The following CLEC12A variants were observed in gnomAD, a reference collection of about 807,000 sequenced individuals.
CLEC12A encodes the protein C-type lectin domain family 12 member A, also known as C-type lectin protein CLL-1.
Under a neutral mutation model 26.5 loss-of-function variants are expected in CLEC12A, and 22 were observed. The ratio of observed to expected loss-of-function variants is 0.83; its 90% CI spans 0.59 to 1.19. The LOEUF (loss-of-function observed/expected upper bound fraction) is 1.19, where lower values mean the gene tolerates loss of function less well. Ranked by LOEUF, CLEC12A falls within the 50% of genes most tolerant of loss-of-function variation. The pLI is 0.00. For synonymous variants in CLEC12A, 119 were observed against 101.9 expected (o/e 1.17, Z -1.01); for missense variants, 353 against 315.6 (o/e 1.12, Z -0.90).
chr12:9,968,166 G>A (rs1003528137), upstream of CLEC12A, among the ~76,000 whole-genome samples: 9 of 152,202 alleles, frequency 5.9e-5, no homozygotes, highest in Non-Finnish European at 1.2e-4. Context: ...GTTGGTCTGA[G>A]GACCAGAGGT....
downstream of CLEC12A, among the ~76,000 whole-genome samples, chr12:9,999,474 C>T (rs4764179): frequency 0.44 from 66,365 of 152,000 alleles, 14,782 homozygotes; most frequent in Non-Finnish European, 0.45. Context: ...GTCTAAATTA[C>T]ATTGCTCAAA....
At chr12:9,961,876 G>T (rs1535651) in intron 1 of CLEC12A, among the ~76,000 whole-genome samples, 42,594 of 151,874 alleles carry the variant, frequency 0.28, 6,145 homozygotes, top group East Asian at 0.45. Context: ...CCCTAGGATG[G>T]TGACTGACTC....
intron 1 of CLEC12A, among the ~76,000 whole-genome samples, chr12:9,959,395 T>G (rs932900405): frequency 6.7e-6 from 1 of 149,144 alleles, no homozygotes; most frequent in Non-Finnish European, 1.5e-5. Context: ...GAGGTTGCAG[T>G]GAGTAGAGAT....
chr12:9,983,058 A>G (rs1864625691), intron 5 of CLEC12A, among the ~76,000 whole-genome samples: 1 of 152,158 alleles, frequency 6.6e-6, no homozygotes, highest in Non-Finnish European at 1.5e-5. Context: ...TAATCCGTTG[A>G]TGGACACTTA....
chr12:9,979,563 A>AAAT, intron 3 of CLEC12A, 39 bp downstream of exon 3: 1 of 1,454,512 alleles, frequency 6.9e-7, no homozygotes, highest in South Asian at 1.2e-5. Context: ...ATTGGACAAT[A>AAAT]AACTAAACCA....
chr12:9,978,040 T>G (rs592679), intron 1 of CLEC12A, among the ~76,000 whole-genome samples: 150,228 of 152,228 alleles, frequency 0.99, 74,154 homozygotes, highest in Middle Eastern at 1. Flanking sequence ...AAAGTCTATA[T>G]AAGTTAAGTT....
At chr12:9,988,755 C>A (rs1409959633), downstream of CLEC12A, among the ~76,000 whole-genome samples, 38 of 152,146 alleles carry the variant, frequency 2.5e-4, no homozygotes, top group Admixed American at 2.5e-3. Context: ...AACACTTTTA[C>A]ACTGTTGGTG....
At chr12:10,004,621 G>T in the CLEC12A span, among the ~76,000 whole-genome samples, 3 of 151,860 alleles carry the variant, frequency 2.0e-5, no homozygotes, top group African/African-American at 7.3e-5. Context: ...GGAGTTCAGG[G>T]TTTATATGGG....
chr12:9,961,736 A>T (rs1056137116), intron 1 of CLEC12A, among the ~76,000 whole-genome samples: 2 of 152,148 alleles, frequency 1.3e-5, no homozygotes, highest in African/African-American at 2.4e-5. Flanking sequence ...AAATTATGAG[A>T]CAACCTAAAA....
At chr12:9,959,383 C>T (rs745488007) in intron 1 of CLEC12A, among the ~76,000 whole-genome samples, 41 of 149,668 alleles carry the variant, frequency 2.7e-4, no homozygotes, top group Non-Finnish European at 5.5e-4. Flanking sequence ...ACCAGTGAGG[C>T]GGAGGTTGCA....
At chr12:9,955,604 G>A (rs1022016429) in intron 1 of CLEC12A, among the ~76,000 whole-genome samples, 23 of 152,094 alleles carry the variant, frequency 1.5e-4, no homozygotes, top group Non-Finnish European at 2.9e-4. Context: ...AGATGTGTGG[G>A]TCATTTCCAA....
At chr12:9,957,808 TG>T (rs1175031255) in intron 1 of CLEC12A, among the ~76,000 whole-genome samples, 2 of 152,218 alleles carry the variant, frequency 1.3e-5, no homozygotes, top group Admixed American at 1.3e-4. Context: ...TCGAATAAAA[TG>T]GGAGCCAGGT....
At chr12:9,995,504 T>C (rs999668639) in exon 5 of CLEC12A, 12 of 405,854 alleles carry the variant, frequency 3.0e-5, no homozygotes, top group Non-Finnish European at 4.7e-5. Flanking sequence ...AACATGTATT[T>C]AGATCTTCAA....
downstream of CLEC12A, chr12:9,996,861 G>A (rs1377187742): frequency 6.2e-7 from 1 of 1,614,026 alleles, no homozygotes; most frequent in Admixed American, 1.7e-5. Flanking sequence ...TGTTCCGGTT[G>A]TCAATCTTCA....
Position 9,979,397 on chromosome 12 carries a change from G to A in CLEC12A, c.252G>A (p.Glu84=), listed in dbSNP as rs781591718. ...KMNKLQNISE[E]LQRNISLQLM... is the part of the protein sequence containing the mutation. ...ACAAACTACAAAACATCAGTGAAGAGCTCCAGAGAAATATTTCTCTACAAC... is the reference window on the plus strand; with the variant it reads ...ACAAACTACAAAACATCAGTGAAGAACTCCAGAGAAATATTTCTCTACAAC... Residue 84 remains glutamate, a synonymous_variant, in exon 3 of 6, where the codon GAG becomes GAA. Transcript: ENST00000304361. 3.0e-5 allele frequency: 49 copies of A among 1,610,482 alleles called. 1 individual carries two copies. Among genetic ancestry groups the A allele is most frequent in the Non-Finnish European group, 3.1e-5 (37 of 1,178,006 alleles).
intron 1 of CLEC12A, among the ~76,000 whole-genome samples, chr12:9,966,057 A>G (rs934909504): frequency 1.1e-4 from 16 of 152,164 alleles, no homozygotes; most frequent in East Asian, 3.9e-4. Context: ...TAAGGGAACT[A>G]GGCAGGTGGG....
intron 1 of CLEC12A, among the ~76,000 whole-genome samples, chr12:9,966,381 G>A (rs1445504827): frequency 7.1e-6 from 1 of 140,974 alleles, no homozygotes; most frequent in Non-Finnish European, 1.5e-5. Context: ...GAGAGCCTTG[G>A]GGCAGAGTTC....
chr12:9,996,850 A>G, downstream of CLEC12A: 4 of 1,614,018 alleles, frequency 2.5e-6, no homozygotes, highest in Non-Finnish European at 3.4e-6. Flanking sequence ...TCTTACCACA[A>G]TGTTCCGGTT....
intron 4 of CLEC12A, chr12:9,992,345 T>C (rs992820550): frequency 6.6e-6 from 1 of 152,156 alleles, no homozygotes; most frequent in Non-Finnish European, 1.5e-5. Context: ...ATTACTACTG[T>C]TGAATCTAAC....
Sources: allele counts gnomAD v4.1 joint callset (sites outside exome capture counted in the v4.1 genomes callset), GRCh38; gene constraint gnomAD v4.1.1; transcripts MANE v1.5; gene names NCBI Gene and HGNC (gene_info 2026-07-23, HGNC 2026-07-21).